The following BNC2 variants were observed in gnomAD, a reference collection of about 807,000 sequenced individuals.
BNC2 encodes the protein basonuclin zinc finger protein 2.
A neutral mutation model predicts 76.3 loss-of-function variants in BNC2; 20 were observed. The ratio of observed to expected loss-of-function variants is 0.26; its 90% confidence interval spans 0.18 to 0.38. The LOEUF is 0.38. Ranked by LOEUF, BNC2 falls within the 10% of genes least tolerant of loss-of-function variation. The pLI is 1.00. For missense variants in BNC2, 1,382 were observed against 1,399.8 expected, an observed-to-expected ratio of 0.99 and a Z score of 0.20; for synonymous variants, 582 against 514.8, an observed-to-expected ratio of 1.13 and a Z score of -1.77.
chr9:16,796,688 GA>G (rs1350656781), intron 1 of BNC2, among the ~76,000 whole-genome samples: 1 of 151,940 alleles, frequency 6.6e-6, no homozygotes, highest in Non-Finnish European at 1.5e-5. Flanking sequence ...AAGAAAGAAA[GA>G]AAGAAATCCT....
intron 5 of BNC2, among the ~76,000 whole-genome samples, chr9:16,524,772 T>C (rs919530954): frequency 6.6e-6 from 1 of 152,240 alleles, no homozygotes; most frequent in African/African-American, 2.4e-5. Context: ...AAAAATTTTA[T>C]TCAGTAAGAC....
intron 3 of BNC2, chr9:16,665,091 G>A (rs542117695): frequency 5.9e-5 from 27 of 455,952 alleles, no homozygotes; most frequent in South Asian, 3.4e-4. Context: ...ACTTTCAGCC[G>A]GGTGCAGTGG....
intron 1 of BNC2, among the ~76,000 whole-genome samples, chr9:16,816,846 A>G (rs544406634): frequency 6.6e-6 from 1 of 152,152 alleles, no homozygotes; most frequent in African/African-American, 2.4e-5. Context: ...CAATCTAGTA[A>G]TAAAAAGTAT....
chr9:16,563,057 T>C (rs943676219), intron 4 of BNC2, among the ~76,000 whole-genome samples: 2 of 152,182 alleles, frequency 1.3e-5, no homozygotes, highest in East Asian at 1.9e-4. Flanking sequence ...TGAACTCAGC[T>C]TTTTCTAATA....
At chr9:16,441,182 T>A (rs561270779) in intron 5 of BNC2, among the ~76,000 whole-genome samples, 19 of 152,310 alleles carry the variant, frequency 1.2e-4, no homozygotes, top group African/African-American at 3.8e-4. Flanking sequence ...TCCGTGCCTA[T>A]AGTCCTAGCT....
At chr9:16,841,424 A>C (rs1219466177) in intron 1 of BNC2, among the ~76,000 whole-genome samples, 1 of 152,240 alleles carries the variant, frequency 6.6e-6, no homozygotes, top group Non-Finnish European at 1.5e-5. Flanking sequence ...CTTAGAAAAC[A>C]TTTGTAAAAA....
chr9:16,748,291 ACTGT>A (rs1825068897), intron 1 of BNC2, among the ~76,000 whole-genome samples: 1 of 152,138 alleles, frequency 6.6e-6, no homozygotes, highest in Non-Finnish European at 1.5e-5. Context: ...AGGCAGGAAG[ACTGT>A]TTGAGCCTAG....
At chr9:16,552,241 T>C (rs987474991) in intron 5 of BNC2, among the ~76,000 whole-genome samples, 6 of 152,078 alleles carry the variant, frequency 3.9e-5, no homozygotes, top group Non-Finnish European at 7.4e-5. Context: ...ATAATAAGAC[T>C]TGTTGAAGAA....
intron 3 of BNC2, among the ~76,000 whole-genome samples, chr9:16,611,189 C>A (rs904294510): frequency 3.3e-5 from 5 of 152,068 alleles, no homozygotes; most frequent in African/African-American, 1.2e-4. Flanking sequence ...TAAACTGCAG[C>A]CGAAATATAT....
intron 4 of BNC2, among the ~76,000 whole-genome samples, chr9:16,553,721 T>C (rs776449377): frequency 2.6e-5 from 4 of 152,180 alleles, no homozygotes; most frequent in Non-Finnish European, 2.9e-5. Flanking sequence ...ACGCCATCTC[T>C]TCTCTAGAAC....
chr9:16,747,817 C>G (rs7874791), intron 1 of BNC2, among the ~76,000 whole-genome samples: 1 of 152,218 alleles, frequency 6.6e-6, no homozygotes, highest in Non-Finnish European at 1.5e-5. Context: ...GGGCTTCCTA[C>G]TTGACTTGGC....
At chr9:16,781,533 G>C (rs4246148) in intron 1 of BNC2, among the ~76,000 whole-genome samples, 116,495 of 152,102 alleles carry the variant, frequency 0.77, 45,143 homozygotes, top group Non-Finnish European at 0.84. Context: ...AGTAGAGACG[G>C]GGTTTCGTTG....
chr9:16,662,565 G>A (rs1033514610), intron 3 of BNC2, among the ~76,000 whole-genome samples: 7 of 152,022 alleles, frequency 4.6e-5, no homozygotes, highest in African/African-American at 7.3e-5. Context: ...GTGAAACCTC[G>A]TCTCCACTAA....
At chr9:16,755,109 T>C (rs554191375) in intron 1 of BNC2, among the ~76,000 whole-genome samples, 1 of 152,264 alleles carries the variant, frequency 6.6e-6, no homozygotes, top group Non-Finnish European at 1.5e-5. Context: ...AGAAAAAGGA[T>C]ACCTGACTCT....
At chr9:16,439,511 C>A (rs1587027929) in intron 5 of BNC2, among the ~76,000 whole-genome samples, 1 of 152,286 alleles carries the variant, frequency 6.6e-6, no homozygotes, top group East Asian at 1.9e-4. Flanking sequence ...GTATACCCAT[C>A]TGAATTTTCC....
chr9:16,470,839 C>G (rs1821807096), intron 5 of BNC2, among the ~76,000 whole-genome samples: 1 of 152,226 alleles, frequency 6.6e-6, no homozygotes, highest in Non-Finnish European at 1.5e-5. Flanking sequence ...ACCTCTGCTG[C>G]AGCAGTGCAA....
chr9:16,446,802 G>GT (rs5896691), intron 5 of BNC2, among the ~76,000 whole-genome samples: 152,214 of 152,220 alleles, frequency 1, 76,104 homozygotes, highest in Middle Eastern at 1. Context: ...TCACTCTGGG[G>GT]TACAACATAT....
intron 3 of BNC2, among the ~76,000 whole-genome samples, chr9:16,647,292 G>A (rs1469045451): frequency 1.3e-5 from 2 of 152,084 alleles, no homozygotes; most frequent in African/African-American, 2.4e-5. Flanking sequence ...AACAAGGATT[G>A]GGGTGGAATC....
intron 3 of BNC2, among the ~76,000 whole-genome samples, chr9:16,691,504 CTTTTTTTTTTTT>C (rs71327842): frequency 1.8e-5 from 2 of 113,234 alleles, no homozygotes; most frequent in African/African-American, 3.5e-5. Flanking sequence ...GGTATGGGTT[CTTTTTTTTTTTT>C]TTTTTTTTTT....
Sources: gnomAD v4.1 joint callset for allele counts (sites outside exome capture counted in the v4.1 genomes callset) on GRCh38, gnomAD v4.1.1 for gene constraint, MANE v1.5 for transcripts, NCBI Gene and HGNC (gene_info 2026-07-23, HGNC 2026-07-21) for gene names.